The following FGF12 variants were observed in gnomAD, a reference collection of about 807,000 sequenced individuals.
FGF12 encodes the protein fibroblast growth factor 12B.
In FGF12, 14 loss-of-function variants were observed where a neutral mutation model predicts 23.6. The ratio of observed to expected loss-of-function variants is 0.59; its 90% CI spans 0.39 to 0.93. FGF12 has a LOEUF of 0.93. Ranked by LOEUF, FGF12 falls within the 40% of genes least tolerant of loss-of-function variation. The pLI, the probability that FGF12 is intolerant of heterozygous loss-of-function variation, is 0.00. For missense variants in FGF12, 175 were observed against 217.8 expected (o/e 0.80, Z 1.24); for synonymous variants, 62 against 77.3 (o/e 0.80, Z 1.04).
chr3:192,239,429 A>T (rs576297584), intron 4 of FGF12, among the ~76,000 whole-genome samples: 1 of 152,318 alleles, frequency 6.6e-6, no homozygotes, highest in Admixed American at 6.5e-5. Context: ...CCAAATTGGG[A>T]CAAAGCCGTT....
At chr3:192,437,475 A>T (rs1412248258) in intron 2 of FGF12, among the ~76,000 whole-genome samples, 4 of 152,066 alleles carry the variant, frequency 2.6e-5, no homozygotes, top group African/African-American at 9.7e-5. Flanking sequence ...GGTGGATCAC[A>T]AGGTCAGGAG....
intron 4 of FGF12, among the ~76,000 whole-genome samples, chr3:192,222,940 G>A (rs115821834): frequency 6.6e-6 from 1 of 152,220 alleles, no homozygotes; most frequent in African/African-American, 2.4e-5. Context: ...TCAGGATGCA[G>A]TTGAGAAACT....
chr3:192,400,899 C>A (rs1192662532), intron 2 of FGF12, among the ~76,000 whole-genome samples: 1 of 152,178 alleles, frequency 6.6e-6, no homozygotes, highest in Non-Finnish European at 1.5e-5. Flanking sequence ...CCATCAACTT[C>A]ATTTCAACAT....
intron 2 of FGF12, among the ~76,000 whole-genome samples, chr3:192,629,776 T>C (rs1284303913): frequency 6.6e-6 from 1 of 152,212 alleles, no homozygotes; most frequent in Non-Finnish European, 1.5e-5. Flanking sequence ...TAGTCTCATC[T>C]CCATTCCTAC....
chr3:192,204,292 T>A (rs1717529702), intron 4 of FGF12, among the ~76,000 whole-genome samples: 2 of 152,150 alleles, frequency 1.3e-5, no homozygotes, highest in African/African-American at 4.8e-5. Flanking sequence ...AGCAGAACTT[T>A]CTCTAATGAT....
At chr3:192,542,671 C>T (rs1406601116) in intron 2 of FGF12, among the ~76,000 whole-genome samples, 1 of 151,910 alleles carries the variant, frequency 6.6e-6, no homozygotes, top group Non-Finnish European at 1.5e-5. Context: ...TTCAAAGGCA[C>T]TTGGGTGTTG....
intron 5 of FGF12, among the ~76,000 whole-genome samples, chr3:192,166,545 C>G (rs1715171245): frequency 6.6e-6 from 1 of 152,206 alleles, no homozygotes; most frequent in South Asian, 2.1e-4. Context: ...GCTTTGGTTT[C>G]ATTTCTGGCT....
At chr3:192,459,252 T>C (rs1000950568) in intron 2 of FGF12, among the ~76,000 whole-genome samples, 33 of 152,222 alleles carry the variant, frequency 2.2e-4, no homozygotes, top group African/African-American at 7.5e-4. Context: ...GTTGCTCGAT[T>C]TCACCAACTT....
chr3:192,274,435 T>C (rs746657996), intron 4 of FGF12, among the ~76,000 whole-genome samples: 2 of 152,196 alleles, frequency 1.3e-5, no homozygotes, highest in Admixed American at 6.6e-5. Context: ...ACAAGAACTA[T>C]ACCTATTAAC....
At chr3:192,304,611 AG>A (rs1439587854) in intron 4 of FGF12, among the ~76,000 whole-genome samples, 2 of 152,200 alleles carry the variant, frequency 1.3e-5, no homozygotes, top group African/African-American at 4.8e-5. Flanking sequence ...AATATTAAAA[AG>A]GTATAATATA....
intron 4 of FGF12, among the ~76,000 whole-genome samples, chr3:192,197,636 T>C (rs1717138658): frequency 1.3e-5 from 2 of 152,208 alleles, no homozygotes; most frequent in Admixed American, 6.5e-5. Flanking sequence ...GGGAGAATAG[T>C]GATGGCCTTT....
chr3:192,560,712 G>T (rs545625543), intron 2 of FGF12, among the ~76,000 whole-genome samples: 4 of 152,176 alleles, frequency 2.6e-5, no homozygotes, highest in African/African-American at 7.2e-5. Flanking sequence ...CTGGAGGCCT[G>T]GTTGGTTTAA....
chr3:192,266,350 T>C (rs1224418667), intron 4 of FGF12, among the ~76,000 whole-genome samples: 2 of 152,118 alleles, frequency 1.3e-5, no homozygotes, highest in African/African-American at 4.8e-5. Context: ...ACATTCAATG[T>C]TTGCTGAACA....
rs1224274893 is a variant in FGF12, at chr3:192,139,810, C to G, written c.*4199G>C. ...TTAGATTTAAGTATTGAATTTTTAA[C>G]TTGGGCTCCAGGAAAAATCCTGAAA... On this transcript the variant is annotated 3_prime_UTR_variant, in exon 6 of 6. Coordinates refer to ENST00000445105, the MANE Select transcript of FGF12 (RefSeq NM_004113.6). The G allele has an allele frequency of 2.0e-5, 3 of 151,910 alleles. No individual in the cohort carries two copies. Among genetic ancestry groups the G allele is most frequent in the African/African-American group, 7.2e-5 (3 of 41,384 alleles). The allele number at this position is 151,910 out of a possible 1,614,324, so 9.4% of individuals were successfully genotyped here.
At chr3:192,589,406 A>G (rs1351365795) in intron 2 of FGF12, among the ~76,000 whole-genome samples, 1 of 151,868 alleles carries the variant, frequency 6.6e-6, no homozygotes, top group Non-Finnish European at 1.5e-5. Context: ...ACACCATTTT[A>G]TACGAGCAGG....
rs534552638 is a variant in FGF12 at position 192,629,350 on chromosome 3, G to A, written c.13+97831C>T. ...GCAGAAATCACCTAATCACCACCAT[G>A]ACTGATCCTATATTTATTTATGAAA... On this transcript the variant is annotated intron_variant, in intron 2 of 5. Transcript: ENST00000445105. 1.3e-3 allele frequency among the ~76,000 whole-genome samples: 205 copies of A among 152,250 alleles called. 1 individual carries two copies. Among genetic ancestry groups the A allele is most frequent in the African/African-American group, 4.7e-3 (194 of 41,524 alleles).
chr3:192,333,488 G>C (rs939208522), intron 4 of FGF12, among the ~76,000 whole-genome samples: 2 of 152,072 alleles, frequency 1.3e-5, no homozygotes, highest in Non-Finnish European at 2.9e-5. Flanking sequence ...TGTTAGAGCT[G>C]TGACACACTA....
At chr3:192,660,070 T>A (rs572187299) in intron 2 of FGF12, among the ~76,000 whole-genome samples, 177 of 152,060 alleles carry the variant, frequency 1.2e-3, no homozygotes, top group African/African-American at 4.1e-3. Flanking sequence ...CGTATGTTTA[T>A]TGTGGCACTA....
intron 2 of FGF12, among the ~76,000 whole-genome samples, chr3:192,526,043 A>G (rs949163154): frequency 1.3e-5 from 2 of 152,180 alleles, no homozygotes; most frequent in African/African-American, 2.4e-5. Context: ...AAGTGCTGGG[A>G]TTACAGCCAT....
Sources: gnomAD v4.1 joint callset for allele counts (sites outside exome capture counted in the v4.1 genomes callset) on GRCh38, gnomAD v4.1.1 for gene constraint, MANE v1.5 for transcripts, NCBI Gene and HGNC (gene_info 2026-07-23, HGNC 2026-07-21) for gene names.